The following CAPG variants were observed in gnomAD, a reference collection of about 807,000 sequenced individuals.
The protein encoded by CAPG is capping actin protein, gelsolin like, also known as macrophage-capping protein.
CAPG carries 32 observed loss-of-function variants against 44.6 expected under a neutral mutation model. That is an observed-to-expected ratio of 0.72 (90% CI 0.54 to 0.96). The LOEUF is 0.96. Among genes scored for constraint, CAPG ranks in the 50% least tolerant of loss-of-function variants. CAPG has a pLI of 0.00. For missense variants in CAPG, 412 were observed against 438.3 expected (o/e 0.94, Z 0.54); for synonymous variants, 175 against 179.6 (o/e 0.97, Z 0.20).
chr2:85,395,660 A>C lies in CAPG; in HGVS notation c.893-34T>G. On this transcript the variant is annotated intron_variant, in intron 8 of 9. Transcript: ENST00000263867. The surrounding 1 kb of genome is among the most constrained non-coding windows in gnomAD (Gnocchi z 4.3). The stretch of plus-strand genomic sequence containing the variant: ...TAGGAAGGAGATTTTTAAAAAGAGC[A>C]GGGACCCTCTTTAGCTGCCATCCCA... 6.6e-7 allele frequency: 1 copy of C among 1,503,762 alleles called. No individual in the cohort carries two copies. Among genetic ancestry groups the C allele is most frequent in the Non-Finnish European group, 9.2e-7 (1 of 1,086,888 alleles). 93.2% of individuals were successfully genotyped at this position (1,503,762 alleles called of 1,614,324 possible).
upstream of CAPG, among the ~76,000 whole-genome samples, chr2:85,411,489 T>C (rs1429383641): frequency 6.6e-6 from 1 of 152,216 alleles, no homozygotes; most frequent in African/African-American, 2.4e-5. Context: ...TCCCATTCCC[T>C]TCTGAATCCC....
rs149442100 is a variant in CAPG at position 85,395,568 on chromosome 2, G to A, written c.951C>T (p.Ile317=). Residue 317 remains isoleucine, a synonymous_variant, in exon 9 of 10, where the codon ATC becomes ATT. Coordinates refer to ENST00000263867, the MANE Select transcript of CAPG (RefSeq NM_001747.4). This position sits in a 1 kb window ranked among gnomAD's most constrained non-coding sequence, Gnocchi z 4.3. ...QAALQVAEGF[I]SRMQYAPNTQ... is the part of the protein sequence containing the mutation. ...TGTTCGGGGCGTACTGCATGCGCGA[G>A]ATGAAGCCCTCGGCCACCTGCAGGG... 1 of 1,613,924 alleles carries A rather than the reference G, an allele frequency of 6.2e-7. No individual in the cohort carries two copies. The highest frequency in any genetic ancestry group is 1.3e-5 in the African/African-American group (1 of 75,038).
intron 5 of CAPG, 74 bp from the exon 6 acceptor site, chr2:85,399,359 C>A (rs1686770310): frequency 6.8e-7 from 1 of 1,468,428 alleles, no homozygotes; most frequent in African/African-American, 1.4e-5. Flanking sequence ...GAAGGGCGCA[C>A]AGCTCTCCCT....
In CAPG at chr2:85,395,561, T is replaced by A; in HGVS notation, c.958A>T (p.Met320Leu). 1 of 1,613,904 alleles carries A rather than the reference T, an allele frequency of 6.2e-7. No individual in the cohort carries two copies. The highest frequency in any genetic ancestry group is 1.1e-5 in the South Asian group (1 of 91,052). The part of the protein sequence containing the change: ...LQVAEGFISR[M>L]QYAPNTQVEI... ...ACCTGAGTGTTCGGGGCGTACTGCA[T>A]GCGCGAGATGAAGCCCTCGGCCACC... Residue 320 changes from methionine to leucine, a missense_variant, in exon 9 of 10, where the codon ATG (methionine) becomes TTG (leucine). Physicochemically the swap from Met to Leu is conservative, Grantham distance 15. Transcript: ENST00000263867. This position sits in a 1 kb window ranked among gnomAD's most constrained non-coding sequence, Gnocchi z 4.3.
chr2:85,397,979 C>T (rs544616296), intron 8 of CAPG, 41 bp downstream of exon 8: 49 of 1,599,774 alleles, frequency 3.1e-5, no homozygotes, highest in Non-Finnish European at 3.9e-5. Flanking sequence ...CGGGTCAGAG[C>T]AGCTACAGGC....
rs538972535 is a variant in CAPG at position 85,394,923 on chromosome 2, G to A, written c.1017C>T (p.Ile339=). The A allele has an allele frequency of 1.9e-6, 3 of 1,613,686 alleles. No homozygotes were observed. The highest frequency in any genetic ancestry group is 2.5e-6 in the Non-Finnish European group (3 of 1,179,542). The change falls in exon 10 of 10, where the codon ATC becomes ATT. Residue 339 remains isoleucine (I), a synonymous_variant. Coordinates refer to ENST00000263867, the MANE Select transcript of CAPG (RefSeq NM_001747.4). ...TCCAGTCCTTGAAAAATTGCTTGAA[G>A]ATGGGACTCTCATGGCCCTGAGGCA... ...EILPQGHESP[I]FKQFFKDWK is the part of the protein sequence containing the mutation.
chr2:85,393,647 C>T (rs1164010353), downstream of CAPG, among the ~76,000 whole-genome samples: 1 of 152,158 alleles, frequency 6.6e-6, no homozygotes. Flanking sequence ...TCACTGCAAC[C>T]TCTACCTCCC....
intron 1 of CAPG, among the ~76,000 whole-genome samples, chr2:85,408,273 C>T (rs866387375): frequency 6.7e-6 from 1 of 150,220 alleles, no homozygotes; most frequent in African/African-American, 2.5e-5. Flanking sequence ...ACCCGGGAGG[C>T]AGAGGTTGCA....
upstream of CAPG, among the ~76,000 whole-genome samples, chr2:85,412,462 G>A (rs977402079): frequency 6.6e-5 from 10 of 152,082 alleles, no homozygotes; most frequent in Non-Finnish European, 1.3e-4. Flanking sequence ...GCAGTGAGCC[G>A]AGATTGCGCC....
In CAPG at chr2:85,416,529, G is replaced by A. The variant is rs148420133; in HGVS notation, c.-14+1738C>T. 1.5e-3 allele frequency among the ~76,000 whole-genome samples: 229 copies of A among 150,444 alleles called. 1 individual carries two copies. The highest frequency in any genetic ancestry group is 5.5e-3 in the African/African-American group (223 of 40,894). ...AATATTCCTTTTTTTTTCTTTTTTC[G>A]AGACAGAGTCTCACTCTTGTCGCCC... On this transcript the variant is annotated intron_variant, in intron 1 of 5. Coordinates refer to the CAPG transcript ENST00000409275.
chr2:85,400,725 AC>A (rs528862244), intron 5 of CAPG, among the ~76,000 whole-genome samples: 2 of 149,848 alleles, frequency 1.3e-5, no homozygotes, highest in African/African-American at 4.9e-5. Flanking sequence ...CTGCCCCAAG[AC>A]CCCCCCAGCA....
chr2:85,414,822 T>C (rs1211816934), upstream of CAPG, among the ~76,000 whole-genome samples: 1 of 152,176 alleles, frequency 6.6e-6, no homozygotes, highest in East Asian at 1.9e-4. Flanking sequence ...AGCAAGCATC[T>C]GCACCAGGAG....
chr2:85,394,482 C>T (rs1686492914), downstream of CAPG, among the ~76,000 whole-genome samples: 1 of 152,244 alleles, frequency 6.6e-6, no homozygotes, highest in South Asian at 2.1e-4. Flanking sequence ...AACTGCATCC[C>T]AAGCCCATTG....
At chr2:85,413,252 C>T (rs1687469769), upstream of CAPG, 1 of 152,124 alleles carries the variant, frequency 6.6e-6, no homozygotes, top group Admixed American at 6.5e-5. Context: ...CTCCTATCAC[C>T]ACAGGAAAAA....
At chr2:85,401,442 G>T (rs1686881969) in intron 4 of CAPG, 87 bp downstream of exon 4, 2 of 1,582,930 alleles carry the variant, frequency 1.3e-6, no homozygotes, top group Admixed American at 1.7e-5. Context: ...AAGGCACCCG[G>T]GTCTTCTGCA....
At position 85,401,217 on chromosome 2, in the gene CAPG, A is replaced by T. The variant is rs377002350; in HGVS notation, c.464T>A (p.Leu155Gln). The T allele has an allele frequency of 1.4e-5, 23 of 1,614,046 alleles. No individual in the cohort carries two copies. Among genetic ancestry groups the T allele is most frequent in the African/African-American group, 2.7e-5 (2 of 74,920 alleles). Residue 155 changes from leucine to glutamine, a missense_variant, in exon 5 of 10, where the codon CTG (leucine) becomes CAG (glutamine). Physicochemically the swap from Leu to Gln is moderately radical, Grantham distance 113. Transcript: ENST00000263867. The stretch of plus-strand genomic sequence containing the variant: ...CCCAGTGTTGAAGCTGTCCCAGTTC[A>T]GTGCCCGCTCGGTGGCACGGATGTT... ...KKNIRATERALNWDSFNTGDC... is the reference protein window; with the variant it reads ...KKNIRATERAQNWDSFNTGDC...
chr2:85,419,157 G>A (rs1203459771), upstream of CAPG: 2 of 152,582 alleles, frequency 1.3e-5, no homozygotes, highest in East Asian at 3.9e-4. Context: ...CCAGGTCAGG[G>A]ATGTAGGTCC....
chr2:85,416,557 G>C (rs1687556691), intron 1 of CAPG, among the ~76,000 whole-genome samples: 1 of 151,892 alleles, frequency 6.6e-6, no homozygotes, highest in Non-Finnish European at 1.5e-5. Flanking sequence ...TGTCGCCCAA[G>C]CTGGAGTGCA....
At chr2:85,405,533 C>T (rs1488834806) in intron 1 of CAPG, among the ~76,000 whole-genome samples, 1 of 151,864 alleles carries the variant, frequency 6.6e-6, no homozygotes, top group Non-Finnish European at 1.5e-5. Flanking sequence ...TGCAATATTT[C>T]GCAGGGGCCA....
Sources: allele counts gnomAD v4.1 joint callset (sites outside exome capture counted in the v4.1 genomes callset), GRCh38; gene constraint gnomAD v4.1.1; non-coding constraint Gnocchi (gnomAD v3.1); transcripts MANE v1.5; gene names NCBI Gene and HGNC (gene_info 2026-07-23, HGNC 2026-07-21).